The following UNC13C variants were observed in gnomAD, a reference collection of about 807,000 sequenced individuals.
The protein encoded by UNC13C is unc-13 homolog C, also known as protein unc-13 homolog C.
In UNC13C, 174 loss-of-function variants were observed where a neutral mutation model predicts 245.4. The observed-to-expected ratio is 0.71, with a 90% CI of 0.63 to 0.80. The LOEUF (loss-of-function observed/expected upper bound fraction) is 0.80, where lower values mean the gene tolerates loss of function less well. Among genes scored for constraint, UNC13C ranks in the 30% least tolerant of loss-of-function variants. The probability of loss-of-function intolerance (pLI) is 0.00; values close to 1 mark genes in which losing one functional copy is unlikely to be tolerated. For synonymous variants in UNC13C, 992 were observed against 895.1 expected (o/e 1.11, Z -1.93); for missense variants, 2,829 against 2,602.9 (o/e 1.09, Z -1.89).
chr15:54,023,005 A>G (rs1895963878), intron 2 of UNC13C, among the ~76,000 whole-genome samples: 1 of 152,256 alleles, frequency 6.6e-6, no homozygotes, highest in African/African-American at 2.4e-5. Context: ...TAAGGAGATT[A>G]GTCCCAACTG....
intron 30 of UNC13C, among the ~76,000 whole-genome samples, chr15:54,585,139 G>A (rs1408899074): frequency 1.3e-5 from 2 of 152,168 alleles, no homozygotes; most frequent in East Asian, 1.9e-4. Context: ...TAGTTTGAAC[G>A]TTTGGCCCCT....
rs1202289729 is a variant in UNC13C at position 54,265,347 on chromosome 15, T to C, written c.3677-8T>C. The stretch of plus-strand genomic sequence containing the variant: ...GTATGTTAAAATGTTTATTTTGGTT[T>C]ATTTCAGTGGTTTCTGCACAGGGTC... On this transcript the variant is annotated splice_polypyrimidine_tract_variant and splice_region_variant and intron_variant, in intron 9 of 32. Coordinates refer to ENST00000260323, the MANE Select transcript of UNC13C (RefSeq NM_001080534.3). 2 of 1,487,428 alleles carry C rather than the reference T, an allele frequency of 1.3e-6. No homozygotes were observed. The highest frequency in any genetic ancestry group is 2.3e-5 in the Admixed American group (1 of 43,140). The allele number at this position is 1,487,428 out of a possible 1,614,324, so 92.1% of individuals were successfully genotyped here.
chr15:53,854,694 G>A, the UNC13C span, among the ~76,000 whole-genome samples: 2 of 152,138 alleles, frequency 1.3e-5, no homozygotes, highest in Non-Finnish European at 1.5e-5. Context: ...TTTGGTTACT[G>A]TAGCCTTGTG....
intron 4 of UNC13C, among the ~76,000 whole-genome samples, chr15:54,184,717 G>A (rs911974207): frequency 5.3e-5 from 8 of 152,132 alleles, no homozygotes; most frequent in South Asian, 2.1e-4. Flanking sequence ...GAATAGTGCC[G>A]CAATAAACAT....
upstream of UNC13C, among the ~76,000 whole-genome samples, chr15:53,973,849 C>G (rs562535319): frequency 6.6e-6 from 1 of 152,206 alleles, no homozygotes; most frequent in African/African-American, 2.4e-5. Flanking sequence ...CAGAAATATT[C>G]TAAAAAAGTG....
chr15:54,403,815 A>G (rs572694124), intron 18 of UNC13C, among the ~76,000 whole-genome samples: 1 of 152,046 alleles, frequency 6.6e-6, no homozygotes, highest in South Asian at 2.1e-4. Context: ...GAGTTCATTA[A>G]AATAATGCCT....
chr15:53,883,823 T>C, the UNC13C span, among the ~76,000 whole-genome samples: 28,025 of 152,182 alleles, frequency 0.18, 3,271 homozygotes, highest in Non-Finnish European at 0.25. Context: ...TCTTTCAAAA[T>C]AGGTTTTGTT....
intron 2 of UNC13C, among the ~76,000 whole-genome samples, chr15:54,087,502 T>A (rs1276171027): frequency 6.6e-6 from 1 of 152,250 alleles, no homozygotes; most frequent in African/African-American, 2.4e-5. Context: ...ATGATGTGAT[T>A]ATTTTTATTT....
At chr15:54,236,715 A>G (rs958148325) in intron 6 of UNC13C, among the ~76,000 whole-genome samples, 4 of 152,220 alleles carry the variant, frequency 2.6e-5, no homozygotes, top group Admixed American at 6.5e-5. Flanking sequence ...TCTTGGAGGT[A>G]AGTCTTCAAG....
chr15:53,882,993 A>T, the UNC13C span, among the ~76,000 whole-genome samples: 2 of 152,118 alleles, frequency 1.3e-5, no homozygotes, highest in Non-Finnish European at 1.5e-5. Flanking sequence ...AACCACCCGT[A>T]TGACACACAT....
chr15:54,103,558 C>T (rs1240827194), intron 2 of UNC13C, among the ~76,000 whole-genome samples: 1 of 152,184 alleles, frequency 6.6e-6, no homozygotes, highest in Non-Finnish European at 1.5e-5. Flanking sequence ...GCAAACCCAA[C>T]ACAATCCTTC....
intron 30 of UNC13C, among the ~76,000 whole-genome samples, chr15:54,600,379 G>A (rs1899345689): frequency 6.6e-6 from 1 of 152,044 alleles, no homozygotes; most frequent in Non-Finnish European, 1.5e-5. Flanking sequence ...AACAGAAAAT[G>A]GTATCACCAA....
intron 19 of UNC13C, among the ~76,000 whole-genome samples, chr15:54,424,901 C>A (rs1373003736): frequency 6.6e-6 from 1 of 151,736 alleles, no homozygotes; most frequent in African/African-American, 2.4e-5. Context: ...GGTCATCCCT[C>A]TGCGTCTCCC....
At chr15:54,407,719 G>GA (rs757659510) in intron 18 of UNC13C, among the ~76,000 whole-genome samples, 9 of 152,092 alleles carry the variant, frequency 5.9e-5, no homozygotes, top group Non-Finnish European at 1.3e-4. Context: ...TTTCGGTATA[G>GA]AAGCAGATCT....
At chr15:54,132,074 C>CTTTTTTTTTTTTTTTCTTTTT (rs1555420957) in intron 2 of UNC13C, among the ~76,000 whole-genome samples, 1 of 110,646 alleles carries the variant, frequency 9.0e-6, no homozygotes, top group Non-Finnish European at 2.0e-5. Flanking sequence ...TTTTCTTTTT[C>CTTTTTTTTTTTTTTTCTTTTT]TTTTTTTTTT....
At chr15:54,098,736 T>C (rs1184788913) in intron 2 of UNC13C, among the ~76,000 whole-genome samples, 1 of 152,230 alleles carries the variant, frequency 6.6e-6, no homozygotes, top group Non-Finnish European at 1.5e-5. Context: ...AGGTACACTT[T>C]AAAACATTTC....
chr15:54,617,725 A>G (rs1900535816), intron 30 of UNC13C, among the ~76,000 whole-genome samples: 1 of 152,140 alleles, frequency 6.6e-6, no homozygotes. Flanking sequence ...AGCTTAAGTC[A>G]TTGTCCATTT....
At chr15:53,926,170 T>C in the UNC13C span, among the ~76,000 whole-genome samples, 1 of 151,908 alleles carries the variant, frequency 6.6e-6, no homozygotes, top group Non-Finnish European at 1.5e-5. Flanking sequence ...AAAGCAGAGG[T>C]GCTTTCTGAA....
At chr15:54,507,342 G>C (rs1402912145) in intron 23 of UNC13C, 148 bp downstream of exon 23, 2 of 600,258 alleles carry the variant, frequency 3.3e-6, no homozygotes, top group Non-Finnish European at 5.8e-6. Context: ...ACTTCTCCAG[G>C]GTTCTTGAAC....
Sources: gnomAD v4.1 joint callset for allele counts (sites outside exome capture counted in the v4.1 genomes callset) on GRCh38, gnomAD v4.1.1 for gene constraint, MANE v1.5 for transcripts, NCBI Gene and HGNC (gene_info 2026-07-23, HGNC 2026-07-21) for gene names.